SYT9: variants seen among roughly 807,000 people sequenced by gnomAD.
SYT9 encodes the protein synaptotagmin 9.
SYT9 carries 22 observed loss-of-function variants against 48.4 expected under a neutral mutation model. That is an observed-to-expected ratio of 0.45 (90% CI 0.32 to 0.65). The LOEUF is 0.65. Ranked by LOEUF, SYT9 falls within the 30% of genes least tolerant of loss-of-function variation. The probability of loss-of-function intolerance (pLI) is 0.03; values close to 1 mark genes in which losing one functional copy is unlikely to be tolerated. For missense variants in SYT9, 577 were observed against 622.0 expected, an observed-to-expected ratio of 0.93 and a Z score of 0.77; for synonymous variants, 265 against 245.0, an observed-to-expected ratio of 1.08 and a Z score of -0.76.
At chr11:7,381,513 C>G (rs555711596) in intron 3 of SYT9, among the ~76,000 whole-genome samples, 111 of 152,258 alleles carry the variant, frequency 7.3e-4, no homozygotes, top group Non-Finnish European at 1.1e-3. Flanking sequence ...ACAGTGGGCC[C>G]CTATGGAGCA....
In SYT9 at chr11:7,252,088, T is replaced by A. The variant is rs1847877970; in HGVS notation, c.-99T>A. 1 of 1,274,402 alleles carries A rather than the reference T, an allele frequency of 7.8e-7. No homozygotes were observed. Among genetic ancestry groups the A allele is most frequent in the East Asian group, 3.2e-5 (1 of 31,564 alleles). 78.9% of individuals were successfully genotyped at this position (1,274,402 alleles called of 1,614,324 possible). A position where few individuals can be genotyped will look rare whatever the true frequency, so the allele number is the denominator to read the frequency against. The stretch of plus-strand genomic sequence containing the variant: ...CCGTTTCTCGGCAGGTCCCTGGCGG[T>A]GAGCGCGGACGGCCCGGAGGCGGCG... On this transcript the variant is annotated 5_prime_UTR_variant, in exon 1 of 7. It removes the in-frame stop codon of an upstream open reading frame in the 5' UTR. Coordinates refer to ENST00000318881, the MANE Select transcript of SYT9 (RefSeq NM_175733.4). The surrounding 1 kb of genome is among the most constrained non-coding windows in gnomAD (Gnocchi z 6.3).
chr11:7,274,409 C>T lies in SYT9; in HGVS notation c.145+22078C>T, dbSNP rs138537437. Among the ~76,000 whole-genome samples the T allele has an allele frequency of 9.3e-3, 1,410 of 151,386 alleles. 21 individuals carry two copies. Among genetic ancestry groups the T allele is most frequent in the African/African-American group, 0.03 (1,233 of 41,190 alleles). ...CTTGGCTCACTGCAACCTCTGCCTC[C>T]GGGTTCAAGCGATTCTCCTGCCTCA... is the stretch of plus-strand genomic sequence containing the variant. On this transcript the variant is annotated intron_variant, in intron 1 of 6. Coordinates refer to ENST00000318881, the MANE Select transcript of SYT9 (RefSeq NM_175733.4).
intron 3 of SYT9, among the ~76,000 whole-genome samples, chr11:7,348,017 A>T (rs1849835180): frequency 6.6e-6 from 1 of 152,172 alleles, no homozygotes; most frequent in African/African-American, 2.4e-5. Flanking sequence ...GAAGGGGGAG[A>T]CATCCTTTTC....
chr11:7,303,390 G>T lies in SYT9; in HGVS notation c.497G>T (p.Arg166Leu), dbSNP rs573786868. The change falls in exon 2 of 7, where the codon CGG becomes CTG. Residue 166 changes from arginine (R) to leucine (L), a missense_variant and splice_region_variant. Physicochemically the swap from Arg to Leu is moderately radical, Grantham distance 102 (BLOSUM62 -2). Transcript: ENST00000318881. ...GTCACAGAGCCAACCTCGTCGGCCC[G>T]GTCAGTAATGCCTTCTCCTTTCTGA... is the stretch of plus-strand genomic sequence containing the variant. ...RQVTEPTSSA[R>L]HNSIRRQLNL... is the part of the protein sequence containing the mutation. 6.2e-7 allele frequency: 1 copy of T among 1,600,758 alleles called. No individual in the cohort carries two copies. Among genetic ancestry groups the T allele is most frequent in the Admixed American group, 1.7e-5 (1 of 59,520 alleles).
At chr11:7,315,090 A>G (rs1849217021) in intron 3 of SYT9, among the ~76,000 whole-genome samples, 1 of 152,204 alleles carries the variant, frequency 6.6e-6, no homozygotes, top group Non-Finnish European at 1.5e-5. Context: ...CAAATAAACA[A>G]AATGTAGCAT....
chr11:7,393,351 G>A (rs1846675937), intron 3 of SYT9, among the ~76,000 whole-genome samples: 1 of 148,118 alleles, frequency 6.8e-6, no homozygotes, highest in African/African-American at 2.5e-5. Flanking sequence ...CTTTCTCTGT[G>A]TATATTGAGA....
intron 3 of SYT9, among the ~76,000 whole-genome samples, chr11:7,316,664 G>A (rs11041312): frequency 0.28 from 42,061 of 152,012 alleles, 6,114 homozygotes; most frequent in Middle Eastern, 0.32. Context: ...CCCTGATAGA[G>A]GTAAGGTATA....
At chr11:7,399,938 G>A (rs1178941664) in intron 3 of SYT9, among the ~76,000 whole-genome samples, 1 of 152,182 alleles carries the variant, frequency 6.6e-6, no homozygotes, top group East Asian at 1.9e-4. Flanking sequence ...CCACGGCAGG[G>A]AAGCTGGACT....
At chr11:7,312,032 A>G (rs1483981551) in intron 2 of SYT9, among the ~76,000 whole-genome samples, 1 of 152,102 alleles carries the variant, frequency 6.6e-6, no homozygotes, top group Non-Finnish European at 1.5e-5. Context: ...TCAGATCACA[A>G]AGTTTTTGTG....
At chr11:7,335,047 C>T (rs1429002341) in intron 3 of SYT9, among the ~76,000 whole-genome samples, 3 of 152,110 alleles carry the variant, frequency 2.0e-5, no homozygotes, top group Non-Finnish European at 2.9e-5. Flanking sequence ...GATGAAATTG[C>T]TAAACTGTTT....
chr11:7,337,122 G>A (rs1267977205), intron 3 of SYT9, among the ~76,000 whole-genome samples: 1 of 152,098 alleles, frequency 6.6e-6, no homozygotes, highest in Non-Finnish European at 1.5e-5. Context: ...GAATGGGATT[G>A]CATTCCTGAT....
At chr11:7,295,610 A>G (rs575109507) in intron 1 of SYT9, among the ~76,000 whole-genome samples, 1 of 152,288 alleles carries the variant, frequency 6.6e-6, no homozygotes, top group South Asian at 2.1e-4. Context: ...AAGCTTTTTC[A>G]AGCATGCACC....
chr11:7,424,105 C>T (rs781535689), intron 6 of SYT9, among the ~76,000 whole-genome samples: 1 of 152,148 alleles, frequency 6.6e-6, no homozygotes, highest in African/African-American at 2.4e-5. Context: ...AAACTCTGAG[C>T]CCTGCAGAGA....
At chr11:7,247,649 T>TAC (rs1847811108), upstream of SYT9, among the ~76,000 whole-genome samples, 1 of 136,580 alleles carries the variant, frequency 7.3e-6, no homozygotes, top group Non-Finnish European at 1.6e-5. Context: ...ACGTGATATA[T>TAC]ATATATACAT....
At chr11:7,347,326 G>T (rs1849817380) in intron 3 of SYT9, among the ~76,000 whole-genome samples, 1 of 151,988 alleles carries the variant, frequency 6.6e-6, no homozygotes, top group African/African-American at 2.4e-5. Flanking sequence ...CTGCCTCCCA[G>T]GTTCAAGCGA....
At chr11:7,290,914 T>A (rs1475822146) in intron 1 of SYT9, among the ~76,000 whole-genome samples, 5 of 152,062 alleles carry the variant, frequency 3.3e-5, no homozygotes, top group African/African-American at 1.2e-4. Context: ...CAGGAACATA[T>A]AACAAAGATA....
intron 3 of SYT9, among the ~76,000 whole-genome samples, chr11:7,369,486 T>C (rs1360725885): frequency 3.9e-5 from 6 of 152,128 alleles, no homozygotes; most frequent in Admixed American, 6.6e-5. Context: ...AGTTTAATTA[T>C]ATTCCATTTG....
chr11:7,374,343 A>C (rs1025160203), intron 3 of SYT9, among the ~76,000 whole-genome samples: 1 of 152,006 alleles, frequency 6.6e-6, no homozygotes, highest in Admixed American at 6.5e-5. Flanking sequence ...GGTTGTTTCC[A>C]AGTCTTTGCT....
At position 7,258,154 on chromosome 11, in the gene SYT9, A is replaced by G. The variant is rs114166518; in HGVS notation, c.145+5823A>G. Among the ~76,000 whole-genome samples, 528 of 152,296 alleles carry G rather than the reference A, an allele frequency of 3.5e-3. 2 individuals are homozygous for G. The highest frequency in any genetic ancestry group is 0.012 in the African/African-American group (500 of 41,576). On this transcript the variant is annotated intron_variant, in intron 1 of 6. Coordinates refer to ENST00000318881, the MANE Select transcript of SYT9 (RefSeq NM_175733.4). ...AATTTCCCATATGGTTGGCTTAAAA[A>G]CATTCATAATCTCTTCCTAACAGGT...
Sources: allele counts gnomAD v4.1 joint callset (sites outside exome capture counted in the v4.1 genomes callset), GRCh38; gene constraint gnomAD v4.1.1; non-coding constraint Gnocchi (gnomAD v3.1); transcripts MANE v1.5; gene names NCBI Gene and HGNC (gene_info 2026-07-23, HGNC 2026-07-21).